The following BRINP3 variants were observed in gnomAD, a reference collection of about 807,000 sequenced individuals.
The protein encoded by BRINP3 is BMP/retinoic acid inducible neural specific 3, also known as BMP/retinoic acid-inducible neural-specific protein 3.
A neutral mutation model predicts 71.0 loss-of-function variants in BRINP3; 19 were observed. The observed-to-expected ratio is 0.27, with a 90% CI of 0.19 to 0.39. The LOEUF is 0.39. Among genes scored for constraint, BRINP3 ranks in the 10% least tolerant of loss-of-function variants. The pLI, the probability that BRINP3 is intolerant of heterozygous loss-of-function variation, is 1.00. For missense variants in BRINP3, 959 were observed against 940.8 expected, an observed-to-expected ratio of 1.02 and a Z score of -0.25; for synonymous variants, 380 against 337.7, an observed-to-expected ratio of 1.13 and a Z score of -1.37.
intron 4 of BRINP3, among the ~76,000 whole-genome samples, chr1:190,262,604 CATT>C (rs1661281358): frequency 6.6e-6 from 1 of 152,152 alleles, no homozygotes; most frequent in Admixed American, 6.5e-5. Flanking sequence ...CACTTTAAAT[CATT>C]TTTATTATGA....
At chr1:190,453,238 T>TG (rs869183402) in intron 2 of BRINP3, among the ~76,000 whole-genome samples, 3 of 121,526 alleles carry the variant, frequency 2.5e-5, no homozygotes, top group Non-Finnish European at 5.0e-5. Context: ...TTTTTTTTTT[T>TG]GAGACGGAGG....
intron 2 of BRINP3, among the ~76,000 whole-genome samples, chr1:190,419,863 GA>G (rs138408671): frequency 7.4e-5 from 11 of 148,180 alleles, no homozygotes; most frequent in South Asian, 2.1e-4. Context: ...TCCCTGATTA[GA>G]AAAAAAAAAT....
At chr1:190,395,613 A>G (rs1408399825) in intron 2 of BRINP3, among the ~76,000 whole-genome samples, 1 of 151,738 alleles carries the variant, frequency 6.6e-6, no homozygotes, top group Non-Finnish European at 1.5e-5. Flanking sequence ...AAATTAAGAA[A>G]CATAAATCTT....
chr1:190,250,870 A>C (rs1449000979), intron 4 of BRINP3, among the ~76,000 whole-genome samples: 1 of 151,906 alleles, frequency 6.6e-6, no homozygotes, highest in Non-Finnish European at 1.5e-5. Context: ...GGTTCAGTAC[A>C]TTTTCATAAG....
At chr1:190,301,165 A>ATATATG (rs1558160228) in intron 2 of BRINP3, among the ~76,000 whole-genome samples, 3 of 56,178 alleles carry the variant, frequency 5.3e-5, no homozygotes, top group African/African-American at 1.5e-4. Flanking sequence ...ATATATATAT[A>ATATATG]CATATATATA....
At chr1:190,295,302 G>A (rs1364600442) in intron 2 of BRINP3, among the ~76,000 whole-genome samples, 1 of 152,106 alleles carries the variant, frequency 6.6e-6, no homozygotes, top group Non-Finnish European at 1.5e-5. Flanking sequence ...GTTTTAAGTG[G>A]TGGGGTTCGT....
chr1:190,198,151 T>A (rs1380981080), intron 6 of BRINP3, among the ~76,000 whole-genome samples: 1 of 149,218 alleles, frequency 6.7e-6, no homozygotes, highest in Non-Finnish European at 1.5e-5. Flanking sequence ...GTCTGTGACA[T>A]AAGGAACCAA....
chr1:190,139,090 T>C (rs1655210465), intron 7 of BRINP3, among the ~76,000 whole-genome samples: 1 of 151,870 alleles, frequency 6.6e-6, no homozygotes, highest in Non-Finnish European at 1.5e-5. Context: ...TAAAAGTGCT[T>C]AGATTCCATT....
chr1:190,099,252 TA>T, intron 7 of BRINP3, 118 bp from the exon 8 acceptor site: 1 of 947,034 alleles, frequency 1.1e-6, no homozygotes. Flanking sequence ...GCCAGTAATT[TA>T]AATGAAATAA....
At chr1:190,255,103 C>T (rs183388115) in intron 4 of BRINP3, among the ~76,000 whole-genome samples, 1 of 152,054 alleles carries the variant, frequency 6.6e-6, no homozygotes, top group Non-Finnish European at 1.5e-5. Context: ...TCGAACCAGC[C>T]TTGCATCCCA....
rs529079581 is a variant in BRINP3, at chr1:190,233,061, CTATT to C, written c.724+1307_724+1310del. 3.1e-3 allele frequency among the ~76,000 whole-genome samples: 472 copies of C among 152,148 alleles called. 2 individuals carry two copies. Among genetic ancestry groups the C allele is most frequent in the Non-Finnish European group, 5.6e-3 (378 of 67,976 alleles). On this transcript the variant is annotated intron_variant, in intron 5 of 7. Transcript: ENST00000367462. Reference sequence around the variant, plus strand: ...ACTCAAAATAAAAGGCATTCATTCACTATTTAGGATAAATTTAAACAATTCAATG... The same window carrying C: ...ACTCAAAATAAAAGGCATTCATTCACTAGGATAAATTTAAACAATTCAATG...
At chr1:190,320,601 G>A (rs1053516671) in intron 2 of BRINP3, among the ~76,000 whole-genome samples, 6 of 151,888 alleles carry the variant, frequency 4.0e-5, no homozygotes, top group Admixed American at 3.9e-4. Context: ...CATCACAACA[G>A]CTCAGGGCAC....
chr1:190,224,043 T>C lies in BRINP3; in HGVS notation c.961+2039A>G, dbSNP rs185203674. ...CATATGTATGGATTGGAATATTTAA[T>C]GTTGTTAAAATGACAATACTACTAA... On this transcript the variant is annotated intron_variant, in intron 6 of 7. Coordinates refer to ENST00000367462, the MANE Select transcript of BRINP3 (RefSeq NM_199051.3). 3.2e-3 allele frequency among the ~76,000 whole-genome samples: 483 copies of C among 151,878 alleles called. 3 individuals carry two copies. The highest frequency in any genetic ancestry group is 0.011 in the African/African-American group (456 of 41,508).
intron 6 of BRINP3, among the ~76,000 whole-genome samples, chr1:190,224,929 C>A (rs1289313215): frequency 4.0e-5 from 6 of 151,808 alleles, no homozygotes; most frequent in Non-Finnish European, 7.4e-5. Flanking sequence ...CAGAGAAATG[C>A]AAGTCAAAAC....
At position 190,405,450 on chromosome 1, in the gene BRINP3, C is replaced by CAAAAAAAAAA. The variant is rs1334402738; in HGVS notation, c.236+49195_236+49204dup. Reference sequence around the variant, plus strand: ...TGGGCGACAGAGCGAGACTCCGTCTCAAAAAAAAAAAAAAAAAAAAAAAAA... The same window carrying CAAAAAAAAAA: ...TGGGCGACAGAGCGAGACTCCGTCTCAAAAAAAAAAAAAAAAAAAAAAAAAAAAAAAAAAA... On this transcript the variant is annotated intron_variant, in intron 2 of 7. Coordinates refer to ENST00000367462, the MANE Select transcript of BRINP3 (RefSeq NM_199051.3). Among the ~76,000 whole-genome samples the CAAAAAAAAAA allele has an allele frequency of 2.8e-4, 11 of 39,138 alleles. 2 individuals are homozygous for CAAAAAAAAAA. The highest frequency in any genetic ancestry group is 6.9e-4 in the African/African-American group (5 of 7,258). 25.7% of individuals were successfully genotyped at this position (39,138 alleles called of 152,430 possible). A position where few individuals can be genotyped will look rare whatever the true frequency, so the allele number is the denominator to read the frequency against.
At chr1:190,132,748 T>C (rs1654645252) in intron 7 of BRINP3, among the ~76,000 whole-genome samples, 2 of 152,118 alleles carry the variant, frequency 1.3e-5, no homozygotes. Flanking sequence ...TGGGGCTTAA[T>C]TACCCTTTCC....
chr1:190,178,862 A>T (rs1249124571), intron 6 of BRINP3, among the ~76,000 whole-genome samples: 4 of 152,162 alleles, frequency 2.6e-5, no homozygotes, highest in Non-Finnish European at 5.9e-5. Context: ...TAAGGGAGGT[A>T]ATGCATTTAA....
chr1:190,185,158 C>G (rs913833849), intron 6 of BRINP3, among the ~76,000 whole-genome samples: 1 of 151,954 alleles, frequency 6.6e-6, no homozygotes, highest in African/African-American at 2.4e-5. Flanking sequence ...AATCAACAGA[C>G]TGAAAATGCA....
intron 2 of BRINP3, among the ~76,000 whole-genome samples, chr1:190,349,953 G>C (rs570008503): frequency 1.3e-5 from 2 of 152,038 alleles, no homozygotes; most frequent in South Asian, 2.1e-4. Flanking sequence ...TACAGCACTT[G>C]TTCTGCTGTG....
Sources: gnomAD v4.1 joint callset for allele counts (sites outside exome capture counted in the v4.1 genomes callset) on GRCh38, gnomAD v4.1.1 for gene constraint, MANE v1.5 for transcripts, NCBI Gene and HGNC (gene_info 2026-07-23, HGNC 2026-07-21) for gene names.